The following NAALADL1 variants were observed in gnomAD, a reference collection of about 807,000 sequenced individuals.
NAALADL1 encodes the protein aminopeptidase NAALADL1.
Under a neutral mutation model 82.8 loss-of-function variants are expected in NAALADL1, and 77 were observed. The observed-to-expected ratio is 0.93, with a 90% confidence interval of 0.77 to 1.12. NAALADL1 has a LOEUF of 1.12. Among genes scored for constraint, NAALADL1 ranks in the 50% most tolerant of loss-of-function variants. NAALADL1 has a pLI of 0.00. For synonymous variants in NAALADL1, 358 were observed against 399.2 expected (o/e 0.90, Z 1.23); for missense variants, 956 against 964.0 (o/e 0.99, Z 0.11).
intron 17 of NAALADL1, 79 bp downstream of exon 17, chr11:65,045,743 C>A: frequency 7.2e-7 from 1 of 1,390,624 alleles, no homozygotes; most frequent in South Asian, 1.2e-5. Flanking sequence ...GGCAGAGAAG[C>A]TGACCACCTC....
At chr11:65,050,464 C>G (rs997995869) in intron 8 of NAALADL1, among the ~76,000 whole-genome samples, 1 of 150,260 alleles carries the variant, frequency 6.7e-6, no homozygotes, top group African/African-American at 2.5e-5. Flanking sequence ...GGCGACAGAG[C>G]GAGACTCTGT....
intron 13 of NAALADL1, among the ~76,000 whole-genome samples, chr11:65,047,209 C>T (rs1010753997): frequency 3.9e-5 from 6 of 152,144 alleles, no homozygotes; most frequent in African/African-American, 1.4e-4. Context: ...AAGGCTCACA[C>T]CTGTAATCTC....
chr11:65,054,838 A>C lies in NAALADL1; in HGVS notation c.604-100T>G. On this transcript the variant is annotated intron_variant, in intron 4 of 17. Coordinates refer to ENST00000358658, the MANE Select transcript of NAALADL1 (RefSeq NM_005468.3). This position sits in a 1 kb window ranked among gnomAD's most constrained non-coding sequence, Gnocchi z 4.3. ...TCGACTGTGGAAGCCAGGATAGACC[A>C]ATCTTCCATGGGCAAGATGACGTTT... 1 of 1,427,590 alleles carries C rather than the reference A, an allele frequency of 7.0e-7. No homozygotes were observed. The highest frequency in any genetic ancestry group is 9.4e-7 in the Non-Finnish European group (1 of 1,066,234). 88.4% of individuals were successfully genotyped at this position (1,427,590 alleles called of 1,614,324 possible).
At position 65,045,182 on chromosome 11, in the gene NAALADL1, C is replaced by T. The variant is rs770138143; in HGVS notation, c.*89G>A. On this transcript the variant is annotated 3_prime_UTR_variant, in exon 18 of 18. Coordinates refer to ENST00000358658, the MANE Select transcript of NAALADL1 (RefSeq NM_005468.3). ...TGAGAGGGTCCTGTGGTAGTGCCCT[C>T]TTCTGGCACCAAGGAAGACCAGGAC... The T allele has an allele frequency of 2.1e-6, 3 of 1,445,286 alleles. No individual in the cohort carries two copies. Among genetic ancestry groups the T allele is most frequent in the Middle Eastern group, 1.8e-4 (1 of 5,598 alleles). The allele number at this position is 1,445,286 out of a possible 1,614,324, so 89.5% of individuals were successfully genotyped here. A position where few individuals can be genotyped will look rare whatever the true frequency, so the allele number is the denominator to read the frequency against.
Position 65,053,079 on chromosome 11 carries a change from A to G in NAALADL1, c.1198+139T>C. ...TACCACACTGGGCTGCTGCAGGCCA[A>G]GGCTGGTGTCATGCATGTCTGCCCC... On this transcript the variant is annotated intron_variant, in intron 8 of 17. Transcript: ENST00000358658. This position sits in a 1 kb window ranked among gnomAD's most constrained non-coding sequence, Gnocchi z 4.3. 4.5e-6 allele frequency: 5 copies of G among 1,121,016 alleles called. No homozygotes were observed. Among genetic ancestry groups the G allele is most frequent in the African/African-American group, 1.6e-5 (1 of 64,398 alleles). The allele number at this position is 1,121,016 out of a possible 1,614,324, so 69.4% of individuals were successfully genotyped here.
rs1946686458 is a variant in NAALADL1 at position 65,045,050 on chromosome 11, C to G, written c.*221G>C. The G allele has an allele frequency of 1.6e-6, 1 of 630,776 alleles. No individual in the cohort carries two copies. Among genetic ancestry groups the G allele is most frequent in the African/African-American group, 1.8e-5 (1 of 54,566 alleles). The allele number at this position is 630,776 out of a possible 1,614,324, so 39.1% of individuals were successfully genotyped here. On this transcript the variant is annotated 3_prime_UTR_variant, in exon 18 of 18. Coordinates refer to ENST00000358658, the MANE Select transcript of NAALADL1 (RefSeq NM_005468.3). Reference sequence around the variant, plus strand: ...CAGTTGGTGGTTTTGCCATCCCATCCCTGTCCCCTGCTGCCCACCCTCTGC... The same window carrying G: ...CAGTTGGTGGTTTTGCCATCCCATCGCTGTCCCCTGCTGCCCACCCTCTGC...
At chr11:65,050,929 C>T (rs193132009) in intron 8 of NAALADL1, among the ~76,000 whole-genome samples, 1 of 152,068 alleles carries the variant, frequency 6.6e-6, no homozygotes, top group African/African-American at 2.4e-5. Context: ...TGGGCTCAAG[C>T]GATCCTCCTG....
Position 65,057,923 on chromosome 11 carries a change from T to C in NAALADL1, c.432A>G (p.Pro144=). ...AGGCAGCATAGGGTTGTACCACATC[T>C]GGCCCCCCTTGCTCCCCGGTCACGT... The part of the protein sequence containing the change: ...EENVTGEQGG[P]DVVQPYAAYA... Residue 144 remains proline (P), a synonymous_variant, in exon 3 of 18, where the codon CCA becomes CCG. Coordinates refer to ENST00000358658, the MANE Select transcript of NAALADL1 (RefSeq NM_005468.3). 6.2e-7 allele frequency: 1 copy of C among 1,614,054 alleles called. No individual in the cohort carries two copies. The highest frequency in any genetic ancestry group is 8.5e-7 in the Non-Finnish European group (1 of 1,179,976).
At chr11:65,045,742 G>T in intron 17 of NAALADL1, 80 bp downstream of exon 17, 1 of 1,382,086 alleles carries the variant, frequency 7.2e-7, no homozygotes, top group Non-Finnish European at 1.0e-6. Flanking sequence ...GGGCAGAGAA[G>T]CTGACCACCT....
rs1946980397 is a variant in NAALADL1 at position 65,054,492 on chromosome 11, G to A, written c.850C>T (p.Gln284Ter). Residue 284 changes from glutamine to a stop codon, truncating the protein, a stop_gained, in exon 5 of 18, where the codon CAG becomes TAG. Coordinates refer to ENST00000358658, the MANE Select transcript of NAALADL1 (RefSeq NM_005468.3). LOFTEE classifies it high-confidence loss of function. This position sits in a 1 kb window ranked among gnomAD's most constrained non-coding sequence, Gnocchi z 4.3. ...NVSGFPPIPT[Q>*]PIGFQDARDL... ...CTTGCATCCTGGAAGCCAATGGGCT[G>A]TGTAGGAATTGGGGGAAATCCGGAG... The A allele has an allele frequency of 5.0e-6, 8 of 1,614,044 alleles. No individual in the cohort carries two copies. The highest frequency in any genetic ancestry group is 1.1e-5 in the South Asian group (1 of 91,082).
intron 8 of NAALADL1, among the ~76,000 whole-genome samples, chr11:65,049,141 C>T (rs1946820083): frequency 6.6e-6 from 1 of 152,172 alleles, no homozygotes; most frequent in Non-Finnish European, 1.5e-5. Flanking sequence ...TCACCTCAAC[C>T]TCCCAAGTAG....
At chr11:65,058,042 AC>A (rs1299445870) in intron 2 of NAALADL1, 35 bp downstream of exon 2, 1 of 1,611,644 alleles carries the variant, frequency 6.2e-7, no homozygotes, top group South Asian at 1.1e-5. Flanking sequence ...GCAGCTCCCC[AC>A]CCCCGGGCAT....
At position 65,053,071 on chromosome 11, in the gene NAALADL1, G is replaced by A; in HGVS notation, c.1198+147C>T. On this transcript the variant is annotated intron_variant, in intron 8 of 17. Transcript: ENST00000358658. This position sits in a 1 kb window ranked among gnomAD's most constrained non-coding sequence, Gnocchi z 4.3. ...ATTCCCTGTACCACACTGGGCTGCT[G>A]CAGGCCAAGGCTGGTGTCATGCATG... 1 of 1,049,466 alleles carries A rather than the reference G, an allele frequency of 9.5e-7. No individual in the cohort carries two copies. Among genetic ancestry groups the A allele is most frequent in the East Asian group, 2.6e-5 (1 of 38,476 alleles). 65.0% of individuals were successfully genotyped at this position (1,049,466 alleles called of 1,614,324 possible). A position where few individuals can be genotyped will look rare whatever the true frequency, so the allele number is the denominator to read the frequency against.
chr11:65,057,175 G>C (rs1427507090), intron 4 of NAALADL1, among the ~76,000 whole-genome samples, 196 bp downstream of exon 4: 3 of 152,212 alleles, frequency 2.0e-5, no homozygotes, highest in Admixed American at 6.5e-5. Flanking sequence ...AGCTCAGAGA[G>C]GGTCAGGGAG....
At position 65,058,544 on chromosome 11, in the gene NAALADL1, G is replaced by A. The variant is rs1017992785; in HGVS notation, c.-23C>T. 4 of 1,558,542 alleles carry A rather than the reference G, an allele frequency of 2.6e-6. No individual in the cohort carries two copies. The African/African-American group carries it at 4.1e-5, about 16-fold the overall frequency. ...CATCCTGCGGACTCTTGGCCAGCTG[G>A]GGTAGGACTGGTCTATAGGTTATTC... is the stretch of plus-strand genomic sequence containing the variant. On this transcript the variant is annotated 5_prime_UTR_variant, in exon 1 of 18. Coordinates refer to ENST00000358658, the MANE Select transcript of NAALADL1 (RefSeq NM_005468.3).
At chr11:65,061,004 T>C (rs1386899505), upstream of NAALADL1, among the ~76,000 whole-genome samples, 3 of 152,066 alleles carry the variant, frequency 2.0e-5, no homozygotes, top group Admixed American at 2.0e-4. Context: ...CCACGTGTAC[T>C]CACCTTGCCC....
intron 8 of NAALADL1, among the ~76,000 whole-genome samples, chr11:65,050,076 A>G (rs1946845468): frequency 6.6e-6 from 1 of 151,404 alleles, no homozygotes; most frequent in African/African-American, 2.4e-5. Context: ...GGGTTTTACC[A>G]CGTTGGCCAG....
chr11:65,057,938 C>T lies in NAALADL1; in HGVS notation c.417G>A (p.Gly139=), dbSNP rs1454134370. Residue 139 remains glycine (G), a synonymous_variant, in exon 3 of 18, where the codon GGG becomes GGA. Transcript: ENST00000358658. Reference sequence around the variant, plus strand: ...GTACCACATCTGGCCCCCCTTGCTCCCCGGTCACGTTCTCCTCAGTCCGGT... The same window carrying T: ...GTACCACATCTGGCCCCCCTTGCTCTCCGGTCACGTTCTCCTCAGTCCGGT... The part of the protein sequence containing the change: ...SCHRTEENVT[G]EQGGPDVVQP... 2.5e-6 allele frequency: 4 copies of T among 1,613,972 alleles called. No individual in the cohort carries two copies. The East Asian group carries it at 8.9e-5, about 36-fold the overall frequency.
At chr11:65,048,958 C>T (rs1456072374) in intron 8 of NAALADL1, among the ~76,000 whole-genome samples, 4 of 152,066 alleles carry the variant, frequency 2.6e-5, no homozygotes, top group Non-Finnish European at 4.4e-5. Flanking sequence ...CTCTGCCTCC[C>T]GGGTTCAGGC....
Sources: gnomAD v4.1 joint callset for allele counts (sites outside exome capture counted in the v4.1 genomes callset) on GRCh38, gnomAD v4.1.1 for gene constraint, Gnocchi (gnomAD v3.1) non-coding constraint, MANE v1.5 for transcripts, NCBI Gene and HGNC (gene_info 2026-07-23, HGNC 2026-07-21) for gene names.